The following IGF2 variants were observed in gnomAD, a reference collection of about 807,000 sequenced individuals.
The protein encoded by IGF2 is insulin-like growth factor 2.
Under a neutral mutation model 12.0 loss-of-function variants are expected in IGF2, and 2 were observed. The ratio of observed to expected loss-of-function variants is 0.17; its 90% CI spans 0.07 to 0.52. The LOEUF (loss-of-function observed/expected upper bound fraction) is 0.52. Ranked by LOEUF, IGF2 falls within the 20% of genes least tolerant of loss-of-function variation. IGF2 has a pLI of 0.95. For synonymous variants in IGF2, 105 were observed against 110.1 expected (o/e 0.95, Z 0.29); for missense variants, 211 against 268.0 (o/e 0.79, Z 1.48).
In IGF2 at chr11:2,133,011, TG is replaced by T. The variant is rs755455183; in HGVS notation, c.518del (p.Pro173GlnfsTer27). The T allele has an allele frequency of 1.0e-5, 16 of 1,545,910 alleles. No individual in the cohort carries two copies. The highest frequency in any genetic ancestry group is 6.1e-5 in the Admixed American group (3 of 49,284). On this transcript the variant is annotated frameshift_variant, in exon 4 of 4. Coordinates refer to ENST00000416167, the MANE Select transcript of IGF2 (RefSeq NM_000612.6). LOFTEE classifies it high-confidence loss of function. The surrounding 1 kb of genome is among the most constrained non-coding windows in gnomAD (Gnocchi z 8.9). ...CTCACTTCCGATTGCTGGCCATCTC[TG>T]GGGGGGCGCCCCCGTGGGCGGGGTC... ...TQDPAHGGAPPEMASNRK is the reference protein window; with the variant it reads ...TQDPAHGGAPXEMASNRK
At chr11:2,145,971 G>T (rs1859904856), upstream of IGF2, among the ~76,000 whole-genome samples, 1 of 152,030 alleles carries the variant, frequency 6.6e-6, no homozygotes, top group Non-Finnish European at 1.5e-5. Context: ...TGTTGGGAGG[G>T]GGCCAGGGTC....
At chr11:2,137,327 A>G (rs1859139854) in intron 1 of IGF2, 1 of 908,110 alleles carries the variant, frequency 1.1e-6, no homozygotes, top group African/African-American at 1.8e-5. Context: ...GTGTGAGCCG[A>G]CTCCTCCCAG....
At chr11:2,145,295 G>T (rs1163483787), upstream of IGF2, among the ~76,000 whole-genome samples, 1 of 152,206 alleles carries the variant, frequency 6.6e-6, no homozygotes, top group Non-Finnish European at 1.5e-5. Flanking sequence ...TTGTAAATTT[G>T]GGGGTGAGGA....
chr11:2,148,283 G>C, the IGF2 span: 2 of 155,654 alleles, frequency 1.3e-5, no homozygotes, highest in African/African-American at 4.8e-5. This position sits in a 1 kb window ranked among gnomAD's most constrained non-coding sequence, Gnocchi z 4.3. Flanking sequence ...GCCAGTGAGG[G>C]ACGGCGTGGC....
Position 2,138,711 on chromosome 11 carries a change from AG to A in IGF2, c.-490del. 1 of 254,870 alleles carries A rather than the reference AG, an allele frequency of 3.9e-6. No homozygotes were observed. Among genetic ancestry groups the A allele is most frequent in the Non-Finnish European group, 4.6e-6 (1 of 215,680 alleles). 15.8% of individuals were successfully genotyped at this position (254,870 alleles called of 1,614,324 possible). A position where few individuals can be genotyped will look rare whatever the true frequency, so the allele number is the denominator to read the frequency against. On this transcript the variant is annotated 5_prime_UTR_variant, in exon 1 of 4. Coordinates refer to ENST00000416167, the MANE Select transcript of IGF2 (RefSeq NM_000612.6). ...GCGAGAGGGCGGGCGTGAGGGGGGG[AG>A]GGAGTCGGAGGCTAGGAGCTGGGGG...
At position 2,133,069 on chromosome 11, in the gene IGF2, C is replaced by G. The variant is rs146962483; in HGVS notation, c.461G>C (p.Arg154Pro). Residue 154 changes from arginine to proline, a missense_variant, in exon 4 of 4, where the codon CGT becomes CCT. By Grantham distance (103) the Arg-to-Pro change is moderately radical (BLOSUM62 -2). Transcript: ENST00000416167. The surrounding 1 kb of genome is among the most constrained non-coding windows in gnomAD (Gnocchi z 8.9). Reference sequence around the variant, plus strand: ...GGGTAGAGCAATCAGGGGACGGTGACGTTTGGCCTCCCTGAACGCCTCGAG... The same window carrying G: ...GGGTAGAGCAATCAGGGGACGGTGAGGTTTGGCCTCCCTGAACGCCTCGAG... ...KELEAFREAK[R>P]HRPLIALPTQ... 6.2e-7 allele frequency: 1 copy of G among 1,606,384 alleles called. No homozygotes were observed. Among genetic ancestry groups the G allele is most frequent in the African/African-American group, 1.3e-5 (1 of 74,690 alleles).
upstream of IGF2, chr11:2,146,196 C>T (rs752712970): frequency 4.2e-5 from 22 of 519,244 alleles, no homozygotes; most frequent in Non-Finnish European, 7.0e-5. Context: ...CCCATCCCCT[C>T]GCTCACCAGC....
chr11:2,137,876 C>T (rs1244594509), intron 1 of IGF2, among the ~76,000 whole-genome samples: 1 of 152,334 alleles, frequency 6.6e-6, no homozygotes, highest in East Asian at 1.9e-4. Context: ...TACCCAGCAC[C>T]CCGGAGGCCA....
chr11:2,140,507 C>T (rs112828141), upstream of IGF2: 82 of 571,890 alleles, frequency 1.4e-4, no homozygotes, highest in African/African-American at 1.3e-3. Context: ...CGCCTCCCGG[C>T]GGAGTCCTAG....
upstream of IGF2, chr11:2,141,291 G>C (rs1021922179): frequency 6.5e-6 from 1 of 152,694 alleles, no homozygotes; most frequent in African/African-American, 2.4e-5. Context: ...GCAAGGCAGA[G>C]TTCTTTCTGC....
At chr11:2,135,711 G>T (rs563390842) in intron 1 of IGF2, among the ~76,000 whole-genome samples, 182 bp from the exon 2 acceptor site, 1 of 152,210 alleles carries the variant, frequency 6.6e-6, no homozygotes, top group Non-Finnish European at 1.5e-5. Context: ...AGGTGAGGGC[G>T]CAGGGCCATG....
Position 2,130,835 on chromosome 11 carries a change from GC to G in IGF2, c.*2151del, listed in dbSNP as rs931681349. 290 of 172,246 alleles carry G rather than the reference GC, an allele frequency of 1.7e-3. 2 individuals carry two copies. Among genetic ancestry groups the G allele is most frequent in the Middle Eastern group, 4.3e-3 (2 of 462 alleles). The allele number at this position is 172,246 out of a possible 1,614,324, so 10.7% of individuals were successfully genotyped here. A position where few individuals can be genotyped will look rare whatever the true frequency, so the allele number is the denominator to read the frequency against. On this transcript the variant is annotated 3_prime_UTR_variant, in exon 4 of 4. Transcript: ENST00000416167. Reference sequence around the variant, plus strand: ...CCCACACTCCCCGCATCAGTGCACGGCCCCCGAGGACTCCACATTTCTTGGG... The same window carrying G: ...CCCACACTCCCCGCATCAGTGCACGGCCCCGAGGACTCCACATTTCTTGGG...
chr11:2,140,700 G>A (rs1441033124), upstream of IGF2: 3 of 449,118 alleles, frequency 6.7e-6, no homozygotes, highest in East Asian at 1.9e-4. Flanking sequence ...GAGCGCAGCC[G>A]CCAGCCGCAA....
At position 2,132,923 on chromosome 11, in the gene IGF2, C is replaced by T. The variant is rs931067409; in HGVS notation, c.*64G>A. ...TTTTCGGGATGGAACCTGATGGAAA[C>T]GTCCGTGGTCAGGAGGAGGCTGCAG... On this transcript the variant is annotated 3_prime_UTR_variant, in exon 4 of 4. Coordinates refer to ENST00000416167, the MANE Select transcript of IGF2 (RefSeq NM_000612.6). 6 of 1,130,554 alleles carry T rather than the reference C, an allele frequency of 5.3e-6. No homozygotes were observed. Among genetic ancestry groups the T allele is most frequent in the South Asian group, 3.1e-5 (2 of 63,670 alleles). 70.0% of individuals were successfully genotyped at this position (1,130,554 alleles called of 1,614,324 possible).
chr11:2,148,990 CCCT>C, the IGF2 span: 22 of 809,568 alleles, frequency 2.7e-5, no homozygotes, highest in Non-Finnish European at 4.2e-5. This position sits in a 1 kb window ranked among gnomAD's most constrained non-coding sequence, Gnocchi z 4.3. Context: ...CTTCCCTGCA[CCCT>C]CCAGCAGCAG....
At chr11:2,144,556 C>T (rs1227922314), upstream of IGF2, among the ~76,000 whole-genome samples, 1 of 152,206 alleles carries the variant, frequency 6.6e-6, no homozygotes, top group Middle Eastern at 3.2e-3. Flanking sequence ...CAGGGCTGCA[C>T]GCCGCTGGGG....
chr11:2,131,772 TTG>T lies in IGF2; in HGVS notation c.*1213_*1214del, dbSNP rs552914810. ...GTGTGTGCATGTGTGTGCTGTGTCT[TTG>T]TGTGTGTGCTGTGTGCTAGTGTGTG... On this transcript the variant is annotated 3_prime_UTR_variant, in exon 4 of 4. Transcript: ENST00000416167. 16 of 176,928 alleles carry T rather than the reference TTG, an allele frequency of 9.0e-5. No individual in the cohort carries two copies. Among genetic ancestry groups the T allele is most frequent in the East Asian group, 7.3e-4 (9 of 12,374 alleles). 11.0% of individuals were successfully genotyped at this position (176,928 alleles called of 1,614,324 possible). A position where few individuals can be genotyped will look rare whatever the true frequency, so the allele number is the denominator to read the frequency against.
chr11:2,140,628 A>G (rs3741212), upstream of IGF2: 350,449 of 503,390 alleles, frequency 0.7, 124,797 homozygotes, highest in East Asian at 0.92. Context: ...CTTTCCCCAC[A>G]AATGAGATCT....
chr11:2,138,559 A>G lies in IGF2; in HGVS notation c.-337T>C, dbSNP rs1225297208. 2.4e-6 allele frequency: 1 copy of G among 414,100 alleles called. No homozygotes were observed. The highest frequency in any genetic ancestry group is 4.3e-5 in the African/African-American group (1 of 23,026). The allele number at this position is 414,100 out of a possible 1,614,324, so 25.7% of individuals were successfully genotyped here. A position where few individuals can be genotyped will look rare whatever the true frequency, so the allele number is the denominator to read the frequency against. Reference sequence around the variant, plus strand: ...TAGTGGGAGAGACAGAGTGAACGTGAAAGGGGGGGGCCGAAGAGAGGGCGA... The same window carrying G: ...TAGTGGGAGAGACAGAGTGAACGTGGAAGGGGGGGGCCGAAGAGAGGGCGA... On this transcript the variant is annotated 5_prime_UTR_variant, in exon 1 of 4. Coordinates refer to ENST00000416167, the MANE Select transcript of IGF2 (RefSeq NM_000612.6).
Sources: allele counts gnomAD v4.1 joint callset (sites outside exome capture counted in the v4.1 genomes callset), GRCh38; gene constraint gnomAD v4.1.1; non-coding constraint Gnocchi (gnomAD v3.1); transcripts MANE v1.5; gene names NCBI Gene and HGNC (gene_info 2026-07-23, HGNC 2026-07-21).